Variants in NFIB observed in about 807,000 individuals in gnomAD.
NFIB encodes the protein nuclear factor I B.
A neutral mutation model predicts 61.5 loss-of-function variants in NFIB; 11 were observed. The ratio of observed to expected loss-of-function variants is 0.18; its 90% CI spans 0.11 to 0.30. The LOEUF (loss-of-function observed/expected upper bound fraction) is 0.30, where lower values mean the gene tolerates loss of function less well. Ranked by LOEUF, NFIB falls within the 10% of genes least tolerant of loss-of-function variation. NFIB has a pLI of 1.00. For missense variants in NFIB, 471 were observed against 608.9 expected (o/e 0.77, Z 2.38); for synonymous variants, 260 against 216.5 (o/e 1.20, Z -1.76).
chr9:14,389,104 A>T (rs2061590036), intron 1 of NFIB, among the ~76,000 whole-genome samples: 1 of 152,096 alleles, frequency 6.6e-6, no homozygotes, highest in Admixed American at 6.5e-5. Context: ...TTCAAACAAC[A>T]TTTTCTGTTT....
In NFIB at chr9:14,186,913, T is replaced by C. The variant is rs117493966; in HGVS notation, c.563-7133A>G. Among the ~76,000 whole-genome samples, 446 of 152,232 alleles carry C rather than the reference T, an allele frequency of 2.9e-3. 3 individuals are homozygous for C. Among genetic ancestry groups the C allele is most frequent in the Middle Eastern group, 6.8e-3 (2 of 294 alleles). ...ATTAAAATAAGACAACGAAAGAACA[T>C]GGGAAAACTGAGTGTTTTCCTTGCC... is the stretch of plus-strand genomic sequence containing the variant. On this transcript the variant is annotated intron_variant, in intron 2 of 10. Coordinates refer to ENST00000380953, the MANE Select transcript of NFIB (RefSeq NM_001190737.2).
At chr9:14,369,057 G>C (rs539540731) in intron 1 of NFIB, among the ~76,000 whole-genome samples, 6 of 152,224 alleles carry the variant, frequency 3.9e-5, no homozygotes, top group African/African-American at 1.4e-4. Context: ...CAATCTAGTA[G>C]TTTTACAGAA....
intron 1 of NFIB, among the ~76,000 whole-genome samples, chr9:14,346,290 A>AACCCCCCCC (rs2061019183): frequency 3.4e-5 from 3 of 88,394 alleles, no homozygotes; most frequent in Non-Finnish European, 5.1e-5. Flanking sequence ...GGTAACCGAC[A>AACCCCCCCC]CCCCCCCCCC....
intron 9 of NFIB, among the ~76,000 whole-genome samples, chr9:14,113,684 G>C (rs1404368403): frequency 6.6e-6 from 1 of 152,120 alleles, no homozygotes; most frequent in South Asian, 2.1e-4. Flanking sequence ...AAGTCTGATA[G>C]GAATGTTTTT....
At chr9:14,471,052 T>C in the NFIB span, among the ~76,000 whole-genome samples, 1 of 152,368 alleles carries the variant, frequency 6.6e-6, no homozygotes, top group South Asian at 2.1e-4. Context: ...ATTCCATATG[T>C]ATTGATATTC....
chr9:14,314,727 CCTT>C (rs1272241248), upstream of NFIB: 18 of 132,972 alleles, frequency 1.4e-4, no homozygotes, highest in East Asian at 1.6e-3. Context: ...TCCTCCTTCT[CCTT>C]CTCTCCCCCC....
At chr9:14,443,233 T>C in the NFIB span, among the ~76,000 whole-genome samples, 14 of 152,070 alleles carry the variant, frequency 9.2e-5, no homozygotes, top group African/African-American at 3.4e-4. Flanking sequence ...ATCATCTCCG[T>C]TCTCCTTCTT....
chr9:14,418,190 T>G, the NFIB span, among the ~76,000 whole-genome samples: 5 of 152,302 alleles, frequency 3.3e-5, no homozygotes, highest in Non-Finnish European at 5.9e-5. Context: ...ATTTCTTTAT[T>G]CACATCTTCT....
At chr9:14,482,285 C>A in the NFIB span, among the ~76,000 whole-genome samples, 3 of 152,148 alleles carry the variant, frequency 2.0e-5, no homozygotes, top group Admixed American at 6.5e-5. Context: ...AGTGCCCTGA[C>A]CAAGGGCATA....
chr9:14,145,423 A>G (rs2042176649), intron 6 of NFIB, among the ~76,000 whole-genome samples: 1 of 152,150 alleles, frequency 6.6e-6, no homozygotes, highest in African/African-American at 2.4e-5. Context: ...CTTGACTCAA[A>G]GGCCAATGTC....
chr9:14,382,925 T>C (rs183598885), intron 1 of NFIB, among the ~76,000 whole-genome samples: 1 of 152,232 alleles, frequency 6.6e-6, no homozygotes, highest in East Asian at 1.9e-4. Context: ...ACTAGATGTC[T>C]TGAATATTGA....
intron 1 of NFIB, among the ~76,000 whole-genome samples, chr9:14,334,385 G>T (rs7018689): frequency 6.6e-6 from 1 of 151,966 alleles, no homozygotes; most frequent in South Asian, 2.1e-4. Context: ...ATATTCCAAC[G>T]TATAGCAATA....
In NFIB at chr9:14,159,033, A is replaced by ATG. The variant is rs2043816416; in HGVS notation, c.617-3141_617-3140insCA. On this transcript the variant is annotated intron_variant, in intron 3 of 10. Transcript: ENST00000380953. ...TCATTTCCTTATTACTCCAATGAGA[A>ATG]GTCAGAGATCCATCTGCTCCTAAGT... 1.3e-5 allele frequency among the ~76,000 whole-genome samples: 2 copies of ATG among 152,232 alleles called. 1 individual carries two copies. Among genetic ancestry groups the ATG allele is most frequent in the East Asian group, 3.8e-4 (2 of 5,198 alleles).
At chr9:14,372,110 T>G (rs1367821225) in intron 1 of NFIB, among the ~76,000 whole-genome samples, 1 of 151,540 alleles carries the variant, frequency 6.6e-6, no homozygotes, top group Non-Finnish European at 1.5e-5. Flanking sequence ...CTGCCAAAAC[T>G]GTTTTTTTTT....
chr9:14,103,342 T>TGGG (rs113087111), intron 10 of NFIB, among the ~76,000 whole-genome samples: 1 of 133,574 alleles, frequency 7.5e-6, no homozygotes, highest in African/African-American at 2.7e-5. Flanking sequence ...TTATCTGGGT[T>TGGG]GGGGGGGGGG....
chr9:14,491,231 C>A, the NFIB span, among the ~76,000 whole-genome samples: 15 of 152,092 alleles, frequency 9.9e-5, no homozygotes, highest in Admixed American at 4.6e-4. Flanking sequence ...ACCATATATG[C>A]ACACAGTAAG....
intron 3 of NFIB, among the ~76,000 whole-genome samples, chr9:14,165,625 T>C (rs1218390017): frequency 6.6e-6 from 1 of 152,036 alleles, no homozygotes; most frequent in Non-Finnish European, 1.5e-5. Flanking sequence ...TAATACAGAC[T>C]CTTCAGCAAA....
intron 3 of NFIB, among the ~76,000 whole-genome samples, chr9:14,164,041 A>T (rs1017985459): frequency 6.6e-6 from 1 of 151,942 alleles, no homozygotes; most frequent in African/African-American, 2.4e-5. Flanking sequence ...CATAAAAGAA[A>T]GAACAGCATC....
intron 10 of NFIB, among the ~76,000 whole-genome samples, chr9:14,097,875 CTTTTTTT>C (rs71321962): frequency 5.5e-4 from 61 of 110,876 alleles, no homozygotes; most frequent in Admixed American, 3.6e-3. Flanking sequence ...TTTCTTTTTT[CTTTTTTT>C]TTTTTTTTTT....
Sources: allele counts gnomAD v4.1 joint callset (sites outside exome capture counted in the v4.1 genomes callset), GRCh38; gene constraint gnomAD v4.1.1; transcripts MANE v1.5; gene names NCBI Gene and HGNC (gene_info 2026-07-23, HGNC 2026-07-21).